The following MBOAT2 variants were observed in gnomAD, a reference collection of about 807,000 sequenced individuals.
MBOAT2 encodes membrane bound glycerophospholipid O-acyltransferase 2.
MBOAT2 carries 28 observed loss-of-function variants against 63.4 expected under a neutral mutation model. That is an observed-to-expected ratio of 0.44 (90% confidence interval 0.33 to 0.61). The LOEUF is 0.61. Among genes scored for constraint, MBOAT2 ranks in the 20% least tolerant of loss-of-function variants. MBOAT2 has a pLI of 0.03. For missense variants in MBOAT2, 470 were observed against 605.8 expected, an observed-to-expected ratio of 0.78 and a Z score of 2.35; for synonymous variants, 211 against 215.6, an observed-to-expected ratio of 0.98 and a Z score of 0.19.
chr2:8,998,015 C>T (rs113593579), intron 1 of MBOAT2, among the ~76,000 whole-genome samples: 1,562 of 152,348 alleles, frequency 0.01, 14 homozygotes, highest in Non-Finnish European at 0.015. Context: ...TCACTTTCCT[C>T]CTCTAAGTTT....
intron 3 of MBOAT2, among the ~76,000 whole-genome samples, chr2:8,914,669 T>G (rs1303594748): frequency 6.6e-6 from 1 of 152,182 alleles, no homozygotes; most frequent in Non-Finnish European, 1.5e-5. Context: ...AGAAAGCCAG[T>G]TAGTTGTTAC....
chr2:8,885,215 T>A (rs1474496525), intron 5 of MBOAT2, among the ~76,000 whole-genome samples: 1 of 152,204 alleles, frequency 6.6e-6, no homozygotes, highest in African/African-American at 2.4e-5. Context: ...TCAGGAATCA[T>A]GGCGATGCCA....
intron 1 of MBOAT2, among the ~76,000 whole-genome samples, chr2:8,997,715 C>A: frequency 6.6e-6 from 1 of 152,130 alleles, no homozygotes; most frequent in East Asian, 1.9e-4. Flanking sequence ...ATAGGTACTA[C>A]TACTTATTAT....
chr2:8,861,757 A>G (rs1661515554), intron 11 of MBOAT2, among the ~76,000 whole-genome samples: 1 of 152,166 alleles, frequency 6.6e-6, no homozygotes, highest in Non-Finnish European at 1.5e-5. Flanking sequence ...CACCTATGCT[A>G]CTTAGTATTT....
At chr2:8,940,661 T>C (rs1248258651) in intron 3 of MBOAT2, among the ~76,000 whole-genome samples, 1 of 151,920 alleles carries the variant, frequency 6.6e-6, no homozygotes, top group Non-Finnish European at 1.5e-5. Flanking sequence ...TTAAAGGGAA[T>C]TACAAAAATA....
chr2:8,911,807 C>T (rs1665728292), intron 3 of MBOAT2, among the ~76,000 whole-genome samples: 1 of 152,058 alleles, frequency 6.6e-6, no homozygotes, highest in African/African-American at 2.4e-5. Flanking sequence ...ACTTTGTAAC[C>T]ATCAGAACCC....
intron 2 of MBOAT2, 30 bp from the exon 3 acceptor site, chr2:8,943,294 G>C: frequency 7.4e-7 from 1 of 1,351,648 alleles, no homozygotes; most frequent in Non-Finnish European, 1.0e-6. Context: ...TATTAGAAGA[G>C]GGATGCCAAG....
At chr2:8,974,820 CT>C (rs1205483065) in intron 1 of MBOAT2, among the ~76,000 whole-genome samples, 1 of 152,096 alleles carries the variant, frequency 6.6e-6, no homozygotes, top group Non-Finnish European at 1.5e-5. Flanking sequence ...ACTGAATCTG[CT>C]CGTTTCATCC....
intron 9 of MBOAT2, among the ~76,000 whole-genome samples, chr2:8,865,864 C>T (rs965141916): frequency 6.6e-6 from 1 of 152,176 alleles, no homozygotes; most frequent in African/African-American, 2.4e-5. Context: ...TGGTGAAAAG[C>T]TGTCTCTGCT....
intron 3 of MBOAT2, among the ~76,000 whole-genome samples, chr2:8,928,688 G>C (rs572132958): frequency 6.6e-6 from 1 of 151,918 alleles, no homozygotes; most frequent in African/African-American, 2.4e-5. Context: ...AAATTAGTGA[G>C]AAGAGTGGTA....
chr2:8,864,560 C>A (rs998997367), intron 9 of MBOAT2, among the ~76,000 whole-genome samples: 3 of 152,158 alleles, frequency 2.0e-5, no homozygotes, highest in Non-Finnish European at 4.4e-5. Flanking sequence ...CCCTCTCACA[C>A]TGAAAACTGG....
At chr2:8,894,270 C>T (rs998605451) in intron 4 of MBOAT2, among the ~76,000 whole-genome samples, 1 of 152,128 alleles carries the variant, frequency 6.6e-6, no homozygotes, top group Non-Finnish European at 1.5e-5. Flanking sequence ...AGGCTTGGTT[C>T]GGTAGGGTGG....
At chr2:8,948,933 C>T (rs566363630) in intron 2 of MBOAT2, among the ~76,000 whole-genome samples, 1 of 152,318 alleles carries the variant, frequency 6.6e-6, no homozygotes, top group East Asian at 1.9e-4. Flanking sequence ...TCCACAATGG[C>T]CGAACTAACT....
chr2:8,943,637 T>C (rs1449029580), intron 2 of MBOAT2, among the ~76,000 whole-genome samples: 1 of 152,218 alleles, frequency 6.6e-6, no homozygotes, highest in Non-Finnish European at 1.5e-5. Flanking sequence ...GAACATCGGT[T>C]GTTTCCCCAA....
chr2:9,003,281 G>A lies in MBOAT2; in HGVS notation c.75+259C>T, dbSNP rs1672842330. Among the ~76,000 whole-genome samples, 2 of 152,154 alleles carry A rather than the reference G, an allele frequency of 1.3e-5. No individual in the cohort carries two copies. Among genetic ancestry groups the A allele is most frequent in the South Asian group, 4.1e-4 (2 of 4,836 alleles). On this transcript the variant is annotated intron_variant, in intron 1 of 12. Transcript: ENST00000305997. This position sits in a 1 kb window ranked among gnomAD's most constrained non-coding sequence, Gnocchi z 5.4. Reference sequence around the variant, plus strand: ...GCACGCCCATACGACCACCCTCCCCGGGGGCTGTCGCCGGCAACAACGCCC... The same window carrying A: ...GCACGCCCATACGACCACCCTCCCCAGGGGCTGTCGCCGGCAACAACGCCC...
chr2:8,917,558 G>A (rs1666272519), intron 3 of MBOAT2, among the ~76,000 whole-genome samples: 1 of 152,138 alleles, frequency 6.6e-6, no homozygotes, highest in South Asian at 2.1e-4. Context: ...CTGTCAGAAT[G>A]AGCACCATGG....
intron 5 of MBOAT2, among the ~76,000 whole-genome samples, chr2:8,887,694 G>T (rs973996398): frequency 2.0e-5 from 3 of 152,142 alleles, no homozygotes; most frequent in Admixed American, 1.3e-4. Flanking sequence ...AAAATTTAAC[G>T]AGGAGCTGAA....
intron 2 of MBOAT2, among the ~76,000 whole-genome samples, chr2:8,945,539 G>C (rs879280947): frequency 6.6e-6 from 1 of 152,056 alleles, no homozygotes; most frequent in African/African-American, 2.4e-5. Context: ...TTCAACCCTC[G>C]TGATTTCAGA....
Position 8,979,012 on chromosome 2 carries a change from G to A in MBOAT2, c.76-20370C>T, listed in dbSNP as rs576114943. Among the ~76,000 whole-genome samples, 62 of 152,062 alleles carry A rather than the reference G, an allele frequency of 4.1e-4. 1 individual carries two copies. Among genetic ancestry groups the A allele is most frequent in the Middle Eastern group, 3.4e-3 (1 of 294 alleles). ...TACCTATCTGTTATTTAAAAATAAAGGTCAATTTCAACAGTGCTACTAATT... is the reference window on the plus strand; with the variant it reads ...TACCTATCTGTTATTTAAAAATAAAAGTCAATTTCAACAGTGCTACTAATT... On this transcript the variant is annotated intron_variant, in intron 1 of 12. Transcript: ENST00000305997.
Sources: allele counts gnomAD v4.1 joint callset (sites outside exome capture counted in the v4.1 genomes callset), GRCh38; gene constraint gnomAD v4.1.1; non-coding constraint Gnocchi (gnomAD v3.1); transcripts MANE v1.5; gene names NCBI Gene and HGNC (gene_info 2026-07-23, HGNC 2026-07-21).